The following PCSK5 variants were observed in gnomAD, a reference collection of about 807,000 sequenced individuals.
The protein encoded by PCSK5 is proprotein convertase subtilisin/kexin type 5.
A neutral mutation model predicts 233.2 loss-of-function variants in PCSK5; 129 were observed. The observed-to-expected ratio is 0.55, with a 90% CI of 0.48 to 0.64. The LOEUF (loss-of-function observed/expected upper bound fraction) is 0.64. Among genes scored for constraint, PCSK5 ranks in the 30% least tolerant of loss-of-function variants. The pLI, the probability that PCSK5 is intolerant of heterozygous loss-of-function variation, is 0.00. For synonymous variants in PCSK5, 825 were observed against 879.2 expected, an observed-to-expected ratio of 0.94 and a Z score of 1.09; for missense variants, 2,076 against 2,430.1, an observed-to-expected ratio of 0.85 and a Z score of 3.06.
At chr9:76,220,880 G>A (rs1319377316) in intron 20 of PCSK5, among the ~76,000 whole-genome samples, 1 of 152,056 alleles carries the variant, frequency 6.6e-6, no homozygotes, top group Non-Finnish European at 1.5e-5. Context: ...CTGTCTAACT[G>A]AAATGTTGTA....
chr9:76,030,166 T>A (rs1828596039), intron 5 of PCSK5, among the ~76,000 whole-genome samples: 1 of 150,818 alleles, frequency 6.6e-6, no homozygotes, highest in Admixed American at 6.6e-5. Context: ...AAAAAAAAAA[T>A]CTAAAAAGTT....
chr9:76,078,754 T>C (rs1170498478), intron 7 of PCSK5, among the ~76,000 whole-genome samples: 2 of 152,232 alleles, frequency 1.3e-5, no homozygotes, highest in African/African-American at 2.4e-5. Context: ...TACCAAGTAA[T>C]GTAATGCCTC....
At chr9:76,250,874 G>A (rs1826779597) in intron 24 of PCSK5, among the ~76,000 whole-genome samples, 1 of 152,154 alleles carries the variant, frequency 6.6e-6, no homozygotes, top group Non-Finnish European at 1.5e-5. Context: ...CTTGATTGTT[G>A]GAGTGATTGC....
chr9:76,068,393 ATC>A (rs1269954136), intron 6 of PCSK5, among the ~76,000 whole-genome samples: 2 of 152,218 alleles, frequency 1.3e-5, no homozygotes. Flanking sequence ...AGGCCATAAT[ATC>A]TCTATGGAAA....
chr9:76,328,303 G>A (rs1829430309), intron 33 of PCSK5, 64 bp downstream of exon 33: 3 of 1,162,596 alleles, frequency 2.6e-6, no homozygotes, highest in Non-Finnish European at 3.9e-6. Context: ...CTTGCACACT[G>A]CCTTGTCCAG....
chr9:76,336,058 T>C (rs993985545), intron 34 of PCSK5, among the ~76,000 whole-genome samples: 1 of 152,196 alleles, frequency 6.6e-6, no homozygotes, highest in Admixed American at 6.5e-5. Context: ...TTGAGTCTTA[T>C]GTGGGCTTTG....
chr9:76,239,150 T>A lies in PCSK5; in HGVS notation c.3058T>A (p.Leu1020Ile). Reference sequence around the variant, plus strand: ...GCCCACCAACCACACATGCCAGAAGTTAGAGTGTGGACAAGGTAAGCCTGC... The same window carrying A: ...GCCCACCAACCACACATGCCAGAAGATAGAGTGTGGACAAGGTAAGCCTGC... ...IAPTNHTCQK[L>I]ECGQGEVQDP... Residue 1020 changes from leucine (L) to isoleucine (I), a missense_variant, in exon 23 of 38, where the codon TTA (leucine) becomes ATA (isoleucine). Transcript: ENST00000674117. 6.3e-7 allele frequency: 1 copy of A among 1,584,430 alleles called. No homozygotes were observed. Among genetic ancestry groups the A allele is most frequent in the Non-Finnish European group, 8.6e-7 (1 of 1,165,580 alleles).
At chr9:75,893,298 G>A (rs931216651) in intron 1 of PCSK5, among the ~76,000 whole-genome samples, 4 of 152,150 alleles carry the variant, frequency 2.6e-5, no homozygotes, top group Admixed American at 2.6e-4. Context: ...CTAGACAGTG[G>A]CAAAGCAGTG....
intron 32 of PCSK5, among the ~76,000 whole-genome samples, chr9:76,326,176 G>A (rs1404025028): frequency 6.6e-6 from 1 of 152,036 alleles, no homozygotes; most frequent in African/African-American, 2.4e-5. Flanking sequence ...CCAGGAATTT[G>A]AGACCAGCCT....
At chr9:76,207,931 A>T (rs1462102449) in intron 20 of PCSK5, among the ~76,000 whole-genome samples, 1 of 152,196 alleles carries the variant, frequency 6.6e-6, no homozygotes, top group Non-Finnish European at 1.5e-5. Context: ...GAGGCTGGAA[A>T]GTCTAAGATC....
intron 5 of PCSK5, among the ~76,000 whole-genome samples, chr9:76,061,122 A>G (rs1297025075): frequency 3.9e-5 from 6 of 152,172 alleles, no homozygotes; most frequent in Admixed American, 3.9e-4. Flanking sequence ...TTTAAGTAAA[A>G]CAAAATTCAT....
intron 24 of PCSK5, among the ~76,000 whole-genome samples, chr9:76,246,921 G>T (rs994656502): frequency 6.6e-6 from 1 of 152,208 alleles, no homozygotes; most frequent in Non-Finnish European, 1.5e-5. Context: ...CTTCCAAAAT[G>T]GTTGCAAGCC....
chr9:76,318,618 T>C (rs149990521), intron 30 of PCSK5, among the ~76,000 whole-genome samples: 12 of 152,296 alleles, frequency 7.9e-5, no homozygotes, highest in Non-Finnish European at 1.5e-4. Flanking sequence ...TGGGGTTCTA[T>C]ATACACAGAC....
intron 8 of PCSK5, among the ~76,000 whole-genome samples, chr9:76,106,871 G>T (rs150212640): frequency 4.6e-5 from 7 of 152,336 alleles, no homozygotes; most frequent in Non-Finnish European, 8.8e-5. Flanking sequence ...CAATGTGCTT[G>T]ATTATTTTAA....
intron 20 of PCSK5, chr9:76,205,332 G>A (rs925161395): frequency 4.0e-6 from 2 of 498,340 alleles, no homozygotes; most frequent in African/African-American, 3.9e-5. Context: ...GCGTGAGGAG[G>A]TGGCGAGACA....
Position 76,227,569 on chromosome 9 carries a change from C to T in PCSK5, c.2693C>T (p.Pro898Leu), listed in dbSNP as rs562084304. Residue 898 changes from proline to leucine, a missense_variant, in exon 21 of 38, where the codon CCA (proline) becomes CTA (leucine). Physicochemically the swap from Pro to Leu is moderately conservative, Grantham distance 98 (BLOSUM62 -3). Coordinates refer to ENST00000674117, the MANE Select transcript of PCSK5 (RefSeq NM_001372043.1). The stretch of plus-strand genomic sequence containing the variant: ...GCCTCATGTGCCAAGTGCCAGGGAC[C>T]AACCCAGGAAGACTGCACTACCTGC... Reference protein sequence around the residue: ...CEASCAKCQGPTQEDCTTCPM... With the variant: ...CEASCAKCQGLTQEDCTTCPM... 31 of 1,611,828 alleles carry T rather than the reference C, an allele frequency of 1.9e-5. No individual in the cohort carries two copies. The East Asian group carries it at 6.9e-4, about 36-fold the overall frequency.
At chr9:76,353,387 C>T (rs900821725) in intron 36 of PCSK5, among the ~76,000 whole-genome samples, 1 of 152,170 alleles carries the variant, frequency 6.6e-6, no homozygotes, top group African/African-American at 2.4e-5. Flanking sequence ...GCGGGCAGAC[C>T]ACAATAATCC....
intron 3 of PCSK5, among the ~76,000 whole-genome samples, chr9:76,012,849 A>G (rs1176305268): frequency 2.6e-5 from 4 of 152,138 alleles, no homozygotes; most frequent in Non-Finnish European, 5.9e-5. Flanking sequence ...TTGATTTTAT[A>G]TTACTCCCTG....
intron 3 of PCSK5, among the ~76,000 whole-genome samples, chr9:75,989,508 AC>A (rs1000890071): frequency 6.8e-5 from 10 of 147,056 alleles, no homozygotes; most frequent in African/African-American, 1.7e-4. Flanking sequence ...AAAAAAAAAA[AC>A]AATTATCTCA....
Sources: gnomAD v4.1 joint callset for allele counts (sites outside exome capture counted in the v4.1 genomes callset) on GRCh38, gnomAD v4.1.1 for gene constraint, MANE v1.5 for transcripts, NCBI Gene and HGNC (gene_info 2026-07-23, HGNC 2026-07-21) for gene names.